Variants in FBXO41 observed in about 807,000 individuals in gnomAD.
FBXO41 encodes the protein F-box protein 41.
In FBXO41, 33 loss-of-function variants were observed where a neutral mutation model predicts 81.6. The ratio of observed to expected loss-of-function variants is 0.40; its 90% CI spans 0.31 to 0.54. The LOEUF (loss-of-function observed/expected upper bound fraction) is 0.54. FBXO41 is among the 20% of genes least tolerant of loss of function. The probability of loss-of-function intolerance (pLI) is 0.39; values close to 1 mark genes in which losing one functional copy is unlikely to be tolerated. For synonymous variants in FBXO41, 576 were observed against 552.7 expected (o/e 1.04, Z -0.59); for missense variants, 1,107 against 1,236.0 (o/e 0.90, Z 1.56).
Position 73,258,107 on chromosome 2 carries a change from C to A in FBXO41, c.*875G>T, listed in dbSNP as rs761243156. 1.3e-5 allele frequency: 2 copies of A among 152,234 alleles called. No homozygotes were observed. Among genetic ancestry groups the A allele is most frequent in the Admixed American group, 6.5e-5 (1 of 15,288 alleles). The allele number at this position is 152,234 out of a possible 1,614,324, so 9.4% of individuals were successfully genotyped here. ...GGATTAGAAGGAAATTCCTTAAGGA[C>A]AGGAACTACTTCTCACTGTGACAGG... On this transcript the variant is annotated 3_prime_UTR_variant, in exon 13 of 13. Coordinates refer to ENST00000520530, the MANE Select transcript of FBXO41 (RefSeq NM_001371389.2).
Position 73,259,061 on chromosome 2 carries a change from G to C in FBXO41, c.2566-17C>G. On this transcript the variant is annotated splice_polypyrimidine_tract_variant and intron_variant, in intron 12 of 12. Transcript: ENST00000520530. The surrounding 1 kb of genome is among the most constrained non-coding windows in gnomAD (Gnocchi z 4.2). ...TCGCAGAGCCTGCGGACCGAACCCT[G>C]GGTTAGTTCTCCCTCCGTGCCAGGC... 1 of 1,606,110 alleles carries C rather than the reference G, an allele frequency of 6.2e-7. No individual in the cohort carries two copies.
At position 73,270,953 on chromosome 2, in the gene FBXO41, G is replaced by A. The variant is rs760625542; in HGVS notation, c.-138-1185C>T. ...CCTACTTGGTCCCATGGCCGATACT[G>A]TTGACCCCTCCATCTTCACAGCTGC... On this transcript the variant is annotated intron_variant, in intron 1 of 12. Coordinates refer to ENST00000520530, the MANE Select transcript of FBXO41 (RefSeq NM_001371389.2). 9.4e-6 allele frequency: 5 copies of A among 533,936 alleles called. 1 individual carries two copies. Among genetic ancestry groups the A allele is most frequent in the East Asian group, 1.1e-4 (2 of 18,354 alleles). 33.1% of individuals were successfully genotyped at this position (533,936 alleles called of 1,614,324 possible).
rs1268152914 is a variant in FBXO41 at position 73,260,081 on chromosome 2, G to C, written c.2449+308C>G. Among the ~76,000 whole-genome samples, 2 of 151,992 alleles carry C rather than the reference G, an allele frequency of 1.3e-5. No individual in the cohort carries two copies. The highest frequency in any genetic ancestry group is 6.6e-5 in the Admixed American group (1 of 15,266). ...GTCTTCACCCTGAGAACTGTCCTTG[G>C]GGGGGCTTCCATATATCATCTCATT... On this transcript the variant is annotated intron_variant, in intron 11 of 12. Coordinates refer to ENST00000520530, the MANE Select transcript of FBXO41 (RefSeq NM_001371389.2). The surrounding 1 kb of genome is among the most constrained non-coding windows in gnomAD (Gnocchi z 5.0).
intron 5 of FBXO41, 27 bp downstream of exon 5, chr2:73,265,255 C>T (rs771909482): frequency 1.0e-5 from 16 of 1,563,224 alleles, no homozygotes; most frequent in Admixed American, 1.8e-5. Flanking sequence ...AGACCTGTGT[C>T]CCCCTGCCCA....
chr2:73,265,028 C>A (rs1393208880), intron 5 of FBXO41, among the ~76,000 whole-genome samples: 1 of 152,200 alleles, frequency 6.6e-6, no homozygotes, highest in African/African-American at 2.4e-5. Context: ...CTCAACTGTT[C>A]TCCTGTAAAT....
chr2:73,263,056 A>AT (rs1215836696), intron 9 of FBXO41, among the ~76,000 whole-genome samples, 157 bp downstream of exon 9: 2 of 152,162 alleles, frequency 1.3e-5, no homozygotes, highest in East Asian at 3.9e-4. Flanking sequence ...ACCAGGTCTG[A>AT]TTTTAAAGCC....
rs1439746210 is a variant in FBXO41 at position 73,265,526 on chromosome 2, C to A, written c.1320G>T (p.Leu440Phe). 6.3e-7 allele frequency: 1 copy of A among 1,596,066 alleles called. No individual in the cohort carries two copies. The highest frequency in any genetic ancestry group is 8.5e-7 in the Non-Finnish European group (1 of 1,173,068). ...GAPEDSGPGG[L>F]GTRAQAANGG... is the part of the protein sequence containing the mutation. Reference sequence around the variant, plus strand: ...CGTTGGCAGCCTGGGCCCGTGTGCCCAAGCCCCCAGGGCCACTGTCCTCAG... The same window carrying A: ...CGTTGGCAGCCTGGGCCCGTGTGCCAAAGCCCCCAGGGCCACTGTCCTCAG... The change falls in exon 5 of 13, where the codon TTG becomes TTT. Residue 440 changes from leucine to phenylalanine, a missense_variant. Physicochemically the swap from Leu to Phe is conservative, Grantham distance 22 (BLOSUM62 0). Transcript: ENST00000520530.
At chr2:73,277,980 C>G (rs902805035) in intron 1 of FBXO41, among the ~76,000 whole-genome samples, 4 of 152,204 alleles carry the variant, frequency 2.6e-5, no homozygotes, top group African/African-American at 9.7e-5. Flanking sequence ...GGCACATGAC[C>G]CAGGCCTGGC....
Position 73,266,676 on chromosome 2 carries a change from C to T in FBXO41, c.912G>A (p.Val304=). The stretch of plus-strand genomic sequence containing the variant: ...CCTTCAGGAACTGGTCGATCTGCAC[C>T]ACCTCCCTGGGCCCAGAGCAGTCTC... ...EQELSRKQQE[V]VQIDQFLKET... is the part of the protein sequence containing the mutation. The change falls in exon 3 of 13, where the codon GTG becomes GTA. Residue 304 remains valine, a synonymous_variant. Transcript: ENST00000520530. The surrounding 1 kb of genome is among the most constrained non-coding windows in gnomAD (Gnocchi z 5.3). 1 of 1,583,944 alleles carries T rather than the reference C, an allele frequency of 6.3e-7. No individual in the cohort carries two copies. The highest frequency in any genetic ancestry group is 8.6e-7 in the Non-Finnish European group (1 of 1,165,664).
At position 73,268,999 on chromosome 2, in the gene FBXO41, T is replaced by G. The variant is rs1288460572; in HGVS notation, c.632A>C (p.Glu211Ala). The G allele has an allele frequency of 6.5e-7, 1 of 1,538,724 alleles. No individual in the cohort carries two copies. Among genetic ancestry groups the G allele is most frequent in the Non-Finnish European group, 8.7e-7 (1 of 1,146,376 alleles). The change falls in exon 2 of 13, where the codon GAG (glutamate) becomes GCG (alanine). Residue 211 changes from glutamate (E) to alanine (A), a missense_variant. Physicochemically the swap from Glu to Ala is moderately radical, Grantham distance 107. Coordinates refer to ENST00000520530, the MANE Select transcript of FBXO41 (RefSeq NM_001371389.2). Reference sequence around the variant, plus strand: ...CAGCCGCCGGTCCACCTCCAGCTTCTCCAGCGCGCGGATCTTGAGGCGCGC... The same window carrying G: ...CAGCCGCCGGTCCACCTCCAGCTTCGCCAGCGCGCGGATCTTGAGGCGCGC... ...GLARLKIRALEKLEVDRRLER... is the reference protein window; with the variant it reads ...GLARLKIRALAKLEVDRRLER...
In FBXO41 at chr2:73,269,398, C is replaced by G; in HGVS notation, c.233G>C (p.Gly78Ala). Residue 78 changes from glycine (G) to alanine (A), a missense_variant, in exon 2 of 13, where the codon GGC becomes GCC. By Grantham distance (60) the Gly-to-Ala change is moderately conservative (BLOSUM62 0). Around this residue, in one of 2 missense-constraint regions of FBXO41, gnomAD observed 771 missense variants for 789.2 expected, o/e 0.98. Coordinates refer to ENST00000520530, the MANE Select transcript of FBXO41 (RefSeq NM_001371389.2). The surrounding 1 kb of genome is among the most constrained non-coding windows in gnomAD (Gnocchi z 7.0). ...PEPAALLAVPGARREVFESTS... is the reference protein window; with the variant it reads ...PEPAALLAVPAARREVFESTS... Reference sequence around the variant, plus strand: ...GCTCTCGAAGACCTCTCGCCGGGCGCCGGGCACGGCCAGCAGGGCGGCGGG... The same window carrying G: ...GCTCTCGAAGACCTCTCGCCGGGCGGCGGGCACGGCCAGCAGGGCGGCGGG... 2.1e-6 allele frequency: 3 copies of G among 1,461,534 alleles called. No homozygotes were observed. The highest frequency in any genetic ancestry group is 2.7e-6 in the Non-Finnish European group (3 of 1,110,946). 90.5% of individuals were successfully genotyped at this position (1,461,534 alleles called of 1,614,324 possible).
chr2:73,263,218 G>C lies in FBXO41; in HGVS notation c.2166C>G (p.His722Gln). 1 of 1,554,770 alleles carries C rather than the reference G, an allele frequency of 6.4e-7. No individual in the cohort carries two copies. The highest frequency in any genetic ancestry group is 8.7e-7 in the Non-Finnish European group (1 of 1,148,728). ...CCAAACCTGCCAGGGCTCACCAGGG[G>C]TGAAGTGGTGCCACTTGGAGGGAGA... is the stretch of plus-strand genomic sequence containing the variant. ...EIVSLQVAPL[H>Q]PCQQPTRFSN... The change falls in exon 9 of 13, where the codon CAC becomes CAG. Residue 722 changes from histidine (H) to glutamine (Q), a missense_variant. Physicochemically the swap from His to Gln is conservative, Grantham distance 24. This residue lies in a region of FBXO41 where 336 missense variants were observed against 446.7 expected (regional missense o/e 0.75). Transcript: ENST00000520530.
rs1210775834 is a variant in FBXO41 at position 73,259,319 on chromosome 2, G to A, written c.2450-23C>T. 8.7e-6 allele frequency: 14 copies of A among 1,606,136 alleles called. No homozygotes were observed. Among genetic ancestry groups the A allele is most frequent in the Non-Finnish European group, 1.2e-5 (14 of 1,172,846 alleles). On this transcript the variant is annotated intron_variant, in intron 11 of 12. Coordinates refer to ENST00000520530, the MANE Select transcript of FBXO41 (RefSeq NM_001371389.2). This position sits in a 1 kb window ranked among gnomAD's most constrained non-coding sequence, Gnocchi z 4.2. ...TGCCTGAGAAAAGGTGAGCAAAGTA[G>A]GGGCGTGTTTGGCCTGGGCTGTGGA...
At position 73,269,622 on chromosome 2, in the gene FBXO41, C is replaced by A; in HGVS notation, c.9G>T (p.Ser3=). Residue 3 remains serine, a synonymous_variant, in exon 2 of 13, where the codon TCG becomes TCT. Coordinates refer to ENST00000520530, the MANE Select transcript of FBXO41 (RefSeq NM_001371389.2). The surrounding 1 kb of genome is among the most constrained non-coding windows in gnomAD (Gnocchi z 7.0). ...GGGGGCAGCGGTACGGCAGGTCCAG[C>A]GAGGCCATGGCCCCGCCGCCCCCGC... is the stretch of plus-strand genomic sequence containing the variant. MA[S]LDLPYRCPRC... 8.0e-7 allele frequency: 1 copy of A among 1,254,174 alleles called. No individual in the cohort carries two copies. The highest frequency in any genetic ancestry group is 1.0e-6 in the Non-Finnish European group (1 of 993,706). The allele number at this position is 1,254,174 out of a possible 1,614,324, so 77.7% of individuals were successfully genotyped here. A position where few individuals can be genotyped will look rare whatever the true frequency, so the allele number is the denominator to read the frequency against.
At position 73,277,420 on chromosome 2, in the gene FBXO41, A is replaced by G. The variant is rs142941995; in HGVS notation, c.-139+6740T>C. Among the ~76,000 whole-genome samples the G allele has an allele frequency of 5.2e-3, 797 of 152,342 alleles. 8 individuals are homozygous for G. Among genetic ancestry groups the G allele is most frequent in the African/African-American group, 0.018 (769 of 41,578 alleles). On this transcript the variant is annotated intron_variant, in intron 1 of 12. Coordinates refer to ENST00000520530, the MANE Select transcript of FBXO41 (RefSeq NM_001371389.2). ...TCAAATTTCATCACAGGTCTGTACT[A>G]TGAGCACCATGACAGAACAGTTGAA...
chr2:73,258,972 C>T lies in FBXO41; in HGVS notation c.*10G>A, dbSNP rs1687911976. On this transcript the variant is annotated 3_prime_UTR_variant, in exon 13 of 13. Transcript: ENST00000520530. Reference sequence around the variant, plus strand: ...GGGGCTGGCAGGGGCCCTGCCGCCCCCTACCCGGGTTAGCAGCCGCCTTCC... The same window carrying T: ...GGGGCTGGCAGGGGCCCTGCCGCCCTCTACCCGGGTTAGCAGCCGCCTTCC... 1.3e-6 allele frequency: 2 copies of T among 1,567,470 alleles called. No individual in the cohort carries two copies. The highest frequency in any genetic ancestry group is 2.7e-5 in the African/African-American group (2 of 73,482).
At position 73,255,429 on chromosome 2, in the gene FBXO41, G is replaced by C. The variant is rs1197023654; in HGVS notation, c.*3553C>G. The C allele has an allele frequency of 1.3e-5, 2 of 152,878 alleles. No homozygotes were observed. The highest frequency in any genetic ancestry group is 4.8e-5 in the African/African-American group (2 of 41,462). 9.5% of individuals were successfully genotyped at this position (152,878 alleles called of 1,614,324 possible). A position where few individuals can be genotyped will look rare whatever the true frequency, so the allele number is the denominator to read the frequency against. On this transcript the variant is annotated 3_prime_UTR_variant, in exon 13 of 13. Transcript: ENST00000520530. ...GCAATATATACAGAAATGCAGGCCG[G>C]GCACAAGGCTGGGTGAGAAAGCATG...
chr2:73,274,630 T>G (rs373081674), intron 1 of FBXO41, among the ~76,000 whole-genome samples: 3 of 152,238 alleles, frequency 2.0e-5, no homozygotes, highest in African/African-American at 7.2e-5. Context: ...TTTTTAGAAT[T>G]AAGGGCTTTA....
In FBXO41 at chr2:73,260,408, C is replaced by T. The variant is rs769221005; in HGVS notation, c.2430G>A (p.Lys810=). The stretch of plus-strand genomic sequence containing the variant: ...GCTCACTGTTGAAGTGCAGTAGGGC[C>T]TTAGGGGTGACGGGAGTCGCCGTGA... ...LVLTATPVTP[K]ALLHFNSICR... Residue 810 remains lysine (K), a synonymous_variant, in exon 11 of 13, where the codon AAG becomes AAA. Coordinates refer to ENST00000520530, the MANE Select transcript of FBXO41 (RefSeq NM_001371389.2). The surrounding 1 kb of genome is among the most constrained non-coding windows in gnomAD (Gnocchi z 5.0). 3 of 1,612,814 alleles carry T rather than the reference C, an allele frequency of 1.9e-6. No individual in the cohort carries two copies. The highest frequency in any genetic ancestry group is 1.7e-5 in the Admixed American group (1 of 59,904).
Sources: allele counts gnomAD v4.1 joint callset (sites outside exome capture counted in the v4.1 genomes callset), GRCh38; gene constraint gnomAD v4.1.1; regional missense constraint gnomAD v4.1.1; non-coding constraint Gnocchi (gnomAD v3.1); transcripts MANE v1.5; gene names NCBI Gene and HGNC (gene_info 2026-07-23, HGNC 2026-07-21).